Variants in KIRREL3 observed in about 807,000 individuals in gnomAD.
KIRREL3 encodes kin of IRRE-like protein 3.
A neutral mutation model predicts 89.7 loss-of-function variants in KIRREL3; 36 were observed. The ratio of observed to expected loss-of-function variants is 0.40; its 90% confidence interval spans 0.31 to 0.53. KIRREL3 has a LOEUF of 0.53. Among genes scored for constraint, KIRREL3 ranks in the 20% least tolerant of loss-of-function variants. The probability of loss-of-function intolerance (pLI) is 0.49; values close to 1 mark genes in which losing one functional copy is unlikely to be tolerated. For missense variants in KIRREL3, 864 were observed against 1,056.6 expected (o/e 0.82, Z 2.53); for synonymous variants, 445 against 441.4 (o/e 1.01, Z -0.10).
chr11:126,717,802 C>T (rs1948024506), intron 1 of KIRREL3, among the ~76,000 whole-genome samples: 1 of 152,214 alleles, frequency 6.6e-6, no homozygotes, highest in Admixed American at 6.5e-5. Context: ...GCTGTAATGC[C>T]ACCCTGCGCT....
chr11:126,869,243 G>A (rs1945025060), intron 1 of KIRREL3, among the ~76,000 whole-genome samples: 1 of 151,576 alleles, frequency 6.6e-6, no homozygotes, highest in South Asian at 2.1e-4. Context: ...CAATGACAGA[G>A]GGAGGTGGGG....
At chr11:126,707,822 T>A (rs1947594552) in intron 1 of KIRREL3, among the ~76,000 whole-genome samples, 1 of 139,770 alleles carries the variant, frequency 7.2e-6, no homozygotes, top group African/African-American at 2.7e-5. Context: ...TTCCTCTTGG[T>A]CCTTGTGATG....
Position 126,977,757 on chromosome 11 carries a change from G to A in KIRREL3, c.55+22698C>T, listed in dbSNP as rs1949620915. On this transcript the variant is annotated intron_variant, in intron 1 of 16. Coordinates refer to ENST00000525144, the MANE Select transcript of KIRREL3 (RefSeq NM_032531.4). This position sits in a 1 kb window ranked among gnomAD's most constrained non-coding sequence, Gnocchi z 4.7. Reference sequence around the variant, plus strand: ...TCTGAATGATCAAGCTGCTTGTAAGGCAATTAAAAAGTATGTCAAGAACAC... The same window carrying A: ...TCTGAATGATCAAGCTGCTTGTAAGACAATTAAAAAGTATGTCAAGAACAC... Among the ~76,000 whole-genome samples the A allele has an allele frequency of 6.6e-6, 1 of 152,148 alleles. No individual in the cohort carries two copies. The highest frequency in any genetic ancestry group is 2.1e-4 in the South Asian group (1 of 4,808).
chr11:126,477,817 G>C lies in KIRREL3; in HGVS notation c.434-4351C>G, dbSNP rs12224079. The stretch of plus-strand genomic sequence containing the variant: ...GGTCTCTGAGCATGGCTGATCGGTG[G>C]CAGCTGGAGGGGTGGGGGACCAGCA... On this transcript the variant is annotated intron_variant, in intron 4 of 16. Coordinates refer to ENST00000525144, the MANE Select transcript of KIRREL3 (RefSeq NM_032531.4). The surrounding 1 kb of genome is among the most constrained non-coding windows in gnomAD (Gnocchi z 4.8). Among the ~76,000 whole-genome samples the C allele has an allele frequency of 0.15, 23,190 of 151,986 alleles. 2,132 individuals carry two copies. The highest frequency in any genetic ancestry group is 0.31 in the Admixed American group (4,676 of 15,230).
intron 2 of KIRREL3, among the ~76,000 whole-genome samples, chr11:126,547,503 G>A (rs895171930): frequency 1.8e-4 from 27 of 152,232 alleles, no homozygotes; most frequent in African/African-American, 5.8e-4. Flanking sequence ...GGATTAGAGC[G>A]TGGCTGGGAG....
At chr11:126,833,053 T>C (rs1162080028) in intron 1 of KIRREL3, among the ~76,000 whole-genome samples, 1 of 152,216 alleles carries the variant, frequency 6.6e-6, no homozygotes, top group Non-Finnish European at 1.5e-5. Context: ...CCATAGACTC[T>C]TCTCACTGCT....
chr11:126,436,760 G>A, intron 12 of KIRREL3, 51 bp downstream of exon 12: 1 of 1,599,216 alleles, frequency 6.3e-7, no homozygotes, highest in Non-Finnish European at 8.6e-7. Flanking sequence ...TGAGGAGAGG[G>A]CCCTCTGGTT....
At position 126,884,747 on chromosome 11, in the gene KIRREL3, T is replaced by C. The variant is rs570628269; in HGVS notation, c.55+115708A>G. Among the ~76,000 whole-genome samples the C allele has an allele frequency of 3.9e-5, 6 of 152,098 alleles. 1 individual carries two copies. The South Asian group carries it at 1.2e-3, about 32-fold the overall frequency. ...AATGAGATAAGGAGATTTGCCAAGA[T>C]TGTGGAAGTTCTCAGAAGCAATGAT... On this transcript the variant is annotated intron_variant, in intron 1 of 16. Transcript: ENST00000525144.
At chr11:126,573,330 G>T (rs957385365) in intron 1 of KIRREL3, among the ~76,000 whole-genome samples, 2 of 152,310 alleles carry the variant, frequency 1.3e-5, no homozygotes, top group Middle Eastern at 3.4e-3. Context: ...ACACGTTTCC[G>T]CAGAGAGGAC....
chr11:126,562,350 G>A lies in KIRREL3; in HGVS notation c.133+485C>T, dbSNP rs1409205889. Reference sequence around the variant, plus strand: ...GTAGGGTCAGTGGAGTTGGGAAAGGGGGCAGGTTTCCTAGGGTAAGTTCTT... The same window carrying A: ...GTAGGGTCAGTGGAGTTGGGAAAGGAGGCAGGTTTCCTAGGGTAAGTTCTT... On this transcript the variant is annotated intron_variant, in intron 2 of 16. Transcript: ENST00000525144. This position sits in a 1 kb window ranked among gnomAD's most constrained non-coding sequence, Gnocchi z 4.7. Among the ~76,000 whole-genome samples the A allele has an allele frequency of 2.0e-5, 3 of 152,146 alleles. No individual in the cohort carries two copies. Among genetic ancestry groups the A allele is most frequent in the Non-Finnish European group, 4.4e-5 (3 of 68,026 alleles).
chr11:126,467,749 G>C (rs966247853), intron 5 of KIRREL3, among the ~76,000 whole-genome samples: 1 of 152,110 alleles, frequency 6.6e-6, no homozygotes, highest in South Asian at 2.1e-4. Flanking sequence ...TGGAGGATGC[G>C]CAGTGCTTTT....
At chr11:126,658,517 A>G (rs1415584607) in intron 1 of KIRREL3, among the ~76,000 whole-genome samples, 1 of 152,230 alleles carries the variant, frequency 6.6e-6, no homozygotes, top group African/African-American at 2.4e-5. Context: ...TAATAACCTC[A>G]GTAAGGTAAT....
rs561616110 is a variant in KIRREL3 at position 126,474,231 on chromosome 11, G to A, written c.434-765C>T. ...CCCAAAGTGCTGGGATTACAGGCGT[G>A]AGCCACGGCACCTGGCTTTTCTTTT... On this transcript the variant is annotated intron_variant, in intron 4 of 16. Transcript: ENST00000525144. The surrounding 1 kb of genome is among the most constrained non-coding windows in gnomAD (Gnocchi z 6.7). Among the ~76,000 whole-genome samples, 1 of 152,362 alleles carries A rather than the reference G, an allele frequency of 6.6e-6. No homozygotes were observed. Among genetic ancestry groups the A allele is most frequent in the African/African-American group, 2.4e-5 (1 of 41,582 alleles).
intron 7 of KIRREL3, among the ~76,000 whole-genome samples, chr11:126,451,495 T>C (rs976566908): frequency 1.3e-5 from 2 of 150,292 alleles, no homozygotes; most frequent in Non-Finnish European, 3.0e-5. Context: ...CGCATGTGTG[T>C]GCATGTGTGA....
At chr11:126,757,473 A>G (rs527291711) in intron 1 of KIRREL3, among the ~76,000 whole-genome samples, 9 of 152,290 alleles carry the variant, frequency 5.9e-5, no homozygotes, top group African/African-American at 2.2e-4. Flanking sequence ...AGGTATTTCA[A>G]GGGCCCAGGA....
chr11:126,865,269 C>A (rs1295660872), intron 1 of KIRREL3, among the ~76,000 whole-genome samples: 1 of 152,210 alleles, frequency 6.6e-6, no homozygotes, highest in African/African-American at 2.4e-5. Flanking sequence ...CGGCTAAAAG[C>A]AAATTGACCA....
chr11:126,471,734 G>T lies in KIRREL3; in HGVS notation c.591+1575C>A. Among the ~76,000 whole-genome samples, 1 of 152,166 alleles carries T rather than the reference G, an allele frequency of 6.6e-6. No homozygotes were observed. Among genetic ancestry groups the T allele is most frequent in the East Asian group, 1.9e-4 (1 of 5,202 alleles). On this transcript the variant is annotated intron_variant, in intron 5 of 16. Coordinates refer to ENST00000525144, the MANE Select transcript of KIRREL3 (RefSeq NM_032531.4). This position sits in a 1 kb window ranked among gnomAD's most constrained non-coding sequence, Gnocchi z 5.4. ...GCTGTGGGGGCCTGGGCTCTGGATT[G>T]GTTGGTCTGCTTTGATATAAAGCCT... is the stretch of plus-strand genomic sequence containing the variant.
At chr11:126,547,757 G>A (rs1591715833) in intron 2 of KIRREL3, among the ~76,000 whole-genome samples, 2 of 152,174 alleles carry the variant, frequency 1.3e-5, no homozygotes, top group African/African-American at 4.8e-5. Flanking sequence ...CCTTGGCCAT[G>A]GGGAAAAATC....
At chr11:126,481,734 A>G (rs1049058158) in intron 4 of KIRREL3, among the ~76,000 whole-genome samples, 2 of 152,220 alleles carry the variant, frequency 1.3e-5, no homozygotes, top group Admixed American at 1.3e-4. Flanking sequence ...GGATTACAAT[A>G]GTGCTTCTCC....
Sources: gnomAD v4.1 joint callset for allele counts (sites outside exome capture counted in the v4.1 genomes callset) on GRCh38, gnomAD v4.1.1 for gene constraint, Gnocchi (gnomAD v3.1) non-coding constraint, MANE v1.5 for transcripts, NCBI Gene and HGNC (gene_info 2026-07-23, HGNC 2026-07-21) for gene names.